Variants in WNT3 observed in about 807,000 individuals in gnomAD.
WNT3 encodes Wnt family member 3.
A neutral mutation model predicts 34.2 loss-of-function variants in WNT3; 7 were observed. That is an observed-to-expected ratio of 0.20 (90% CI 0.12 to 0.38). The LOEUF (loss-of-function observed/expected upper bound fraction) is 0.38. Among genes scored for constraint, WNT3 ranks in the 10% least tolerant of loss-of-function variants. The pLI, the probability that WNT3 is intolerant of heterozygous loss-of-function variation, is 1.00. For missense variants in WNT3, 267 were observed against 499.8 expected (o/e 0.53, Z 4.44); for synonymous variants, 212 against 211.5 (o/e 1.00, Z -0.02).
intron 1 of WNT3, among the ~76,000 whole-genome samples, chr17:46,790,111 G>A (rs934283789): frequency 3.3e-5 from 5 of 152,130 alleles, no homozygotes; most frequent in African/African-American, 7.2e-5. Flanking sequence ...AGTCCAGAGC[G>A]AGCCTCAACA....
chr17:46,775,478 T>C (rs2059405423), intron 1 of WNT3, among the ~76,000 whole-genome samples: 1 of 152,176 alleles, frequency 6.6e-6, no homozygotes, highest in African/African-American at 2.4e-5. Context: ...GTTCTCCTTT[T>C]TCCATTTGTT....
intron 1 of WNT3, among the ~76,000 whole-genome samples, chr17:46,777,812 T>A (rs928262594): frequency 6.6e-6 from 1 of 152,214 alleles, no homozygotes; most frequent in African/African-American, 2.4e-5. Context: ...CCTGAGTTTG[T>A]CTGACTCCCA....
intron 1 of WNT3, among the ~76,000 whole-genome samples, chr17:46,797,479 C>T (rs2084069689): frequency 6.6e-6 from 1 of 152,208 alleles, no homozygotes; most frequent in African/African-American, 2.4e-5. Flanking sequence ...CAGTGGAGTC[C>T]TCAGGAGTGG....
intron 1 of WNT3, among the ~76,000 whole-genome samples, chr17:46,787,661 G>C (rs554481455): frequency 7.9e-5 from 12 of 152,310 alleles, no homozygotes; most frequent in African/African-American, 2.4e-4. Context: ...AGATGTATGA[G>C]ATGTAGCCTC....
chr17:46,770,160 A>C, intron 2 of WNT3, 112 bp from the exon 3 acceptor site: 1 of 1,383,776 alleles, frequency 7.2e-7, no homozygotes, highest in Non-Finnish European at 9.6e-7. Flanking sequence ...AGAGTTGAAG[A>C]GCTCACCAGC....
chr17:46,792,968 A>G (rs145865051), intron 1 of WNT3, among the ~76,000 whole-genome samples: 1 of 152,114 alleles, frequency 6.6e-6, no homozygotes, highest in African/African-American at 2.4e-5. Flanking sequence ...CTGAGATGGC[A>G]AAAAAAGCAG....
chr17:46,779,116 C>T (rs1258061177), intron 1 of WNT3, among the ~76,000 whole-genome samples: 3 of 149,900 alleles, frequency 2.0e-5, no homozygotes, highest in East Asian at 3.9e-4. Flanking sequence ...CCAGCCCACT[C>T]GGCCTTCCAA....
At chr17:46,810,290 A>G (rs1427747826) in intron 1 of WNT3, among the ~76,000 whole-genome samples, 1 of 152,098 alleles carries the variant, frequency 6.6e-6, no homozygotes, top group Non-Finnish European at 1.5e-5. Flanking sequence ...TTACAGGCGT[A>G]AGCCCCATGC....
chr17:46,793,470 C>T (rs190669585), intron 1 of WNT3, among the ~76,000 whole-genome samples: 168 of 151,974 alleles, frequency 1.1e-3, no homozygotes, highest in African/African-American at 3.9e-3. Flanking sequence ...TTTTTTCTTT[C>T]GAATGTTGGT....
intron 1 of WNT3, among the ~76,000 whole-genome samples, chr17:46,795,895 T>G (rs886348): frequency 6.6e-6 from 1 of 151,920 alleles, no homozygotes; most frequent in African/African-American, 2.4e-5. Flanking sequence ...CACACACACA[T>G]GCATGCACGC....
chr17:46,787,287 G>T (rs2059515523), intron 1 of WNT3, among the ~76,000 whole-genome samples: 1 of 149,460 alleles, frequency 6.7e-6, no homozygotes, highest in Non-Finnish European at 1.5e-5. Flanking sequence ...AAGTTTTCTT[G>T]CTATTGGAGT....
chr17:46,777,964 G>C (rs573350370), intron 1 of WNT3, among the ~76,000 whole-genome samples: 4 of 152,278 alleles, frequency 2.6e-5, no homozygotes, highest in Non-Finnish European at 5.9e-5. Context: ...GTCCCATCCA[G>C]CTCTACCACT....
chr17:46,809,301 T>C (rs1245916305), intron 1 of WNT3, among the ~76,000 whole-genome samples: 3 of 152,254 alleles, frequency 2.0e-5, no homozygotes, highest in African/African-American at 7.2e-5. Flanking sequence ...TCCTGCTCAC[T>C]CACAGCACAA....
At chr17:46,773,623 TCCCCCCACCCAGCCCCTC>T in intron 2 of WNT3, 27 bp downstream of exon 2, 8 of 383,460 alleles carry the variant, frequency 2.1e-5, no homozygotes, top group African/African-American at 2.8e-5. Flanking sequence ...TCCTGATCCC[TCCCCCCACCCAGCCCCTC>T]CCCCCCCCTC....
chr17:46,765,301 A>G (rs1051772012), intron 4 of WNT3, among the ~76,000 whole-genome samples: 1 of 152,230 alleles, frequency 6.6e-6, no homozygotes, highest in Non-Finnish European at 1.5e-5. Context: ...GGGCGCAGCC[A>G]GGCCACTCGA....
chr17:46,813,206 C>T (rs942945678), intron 1 of WNT3, among the ~76,000 whole-genome samples: 2 of 151,780 alleles, frequency 1.3e-5, no homozygotes, highest in South Asian at 2.1e-4. Flanking sequence ...TTCACAGCAA[C>T]GAGCCCAGAA....
intron 1 of WNT3, among the ~76,000 whole-genome samples, chr17:46,806,394 A>T (rs1441248701): frequency 6.6e-6 from 1 of 151,542 alleles, no homozygotes; most frequent in African/African-American, 2.4e-5. Context: ...TTTTTAGTAG[A>T]GTTGGGGTTT....
In WNT3 at chr17:46,762,836, G is replaced by A. The variant is rs189852700; in HGVS notation, c.*1794C>T. The A allele has an allele frequency of 3.7e-4, 57 of 152,150 alleles. No individual in the cohort carries two copies. The highest frequency in any genetic ancestry group is 1.4e-3 in the African/African-American group (57 of 41,506). The allele number at this position is 152,150 out of a possible 1,614,324, so 9.4% of individuals were successfully genotyped here. A position where few individuals can be genotyped will look rare whatever the true frequency, so the allele number is the denominator to read the frequency against. ...AATTACTTGTCAGCTACTTGAATAC[G>A]CCCCAGAAACATGACTTTATCACTT... On this transcript the variant is annotated 3_prime_UTR_variant, in exon 5 of 5. Transcript: ENST00000225512.
Position 46,768,774 on chromosome 17 carries a change from T to C in WNT3, c.614A>G (p.Lys205Arg), listed in dbSNP as rs1024291159. ...RTTILDHMHL[K>R]CKCHGLSGSC... is the part of the protein sequence containing the mutation. Reference sequence around the variant, plus strand: ...GCCCGACAGCCCGTGGCACTTGCATTTGAGGTGCATGTGGTCCAGGATAGT... The same window carrying C: ...GCCCGACAGCCCGTGGCACTTGCATCTGAGGTGCATGTGGTCCAGGATAGT... The change falls in exon 4 of 5, where the codon AAA becomes AGA. Residue 205 changes from lysine (K) to arginine (R), a missense_variant. Physicochemically the swap from Lys to Arg is conservative, Grantham distance 26 (BLOSUM62 2). Around this residue, in one of 3 missense-constraint regions of WNT3, gnomAD observed 181 missense variants for 391.3 expected, o/e 0.46. Coordinates refer to ENST00000225512, the MANE Select transcript of WNT3 (RefSeq NM_030753.5). This position sits in a 1 kb window ranked among gnomAD's most constrained non-coding sequence, Gnocchi z 5.0. The C allele has an allele frequency of 1.9e-6, 3 of 1,613,934 alleles. No homozygotes were observed. The highest frequency in any genetic ancestry group is 2.2e-5 in the East Asian group (1 of 44,888).
Sources: allele counts gnomAD v4.1 joint callset (sites outside exome capture counted in the v4.1 genomes callset), GRCh38; gene constraint gnomAD v4.1.1; regional missense constraint gnomAD v4.1.1; non-coding constraint Gnocchi (gnomAD v3.1); transcripts MANE v1.5; gene names NCBI Gene and HGNC (gene_info 2026-07-23, HGNC 2026-07-21).